The following HRAS variants were observed in gnomAD, a reference collection of about 807,000 sequenced individuals.
The protein encoded by HRAS is GTPase HRas.
A neutral mutation model predicts 19.8 loss-of-function variants in HRAS; 11 were observed. The observed-to-expected ratio is 0.55, with a 90% CI of 0.35 to 0.92. The LOEUF is 0.92. Among genes scored for constraint, HRAS ranks in the 40% least tolerant of loss-of-function variants. HRAS has a pLI of 0.01. For missense variants in HRAS, 204 were observed against 255.9 expected (o/e 0.80, Z 1.38); for synonymous variants, 149 against 105.5 (o/e 1.41, Z -2.52).
At position 533,930 on chromosome 11, in the gene HRAS, C is replaced by T. The variant is rs775378080; in HGVS notation, c.126G>A (p.Lys42=). ...ACGTCTCCCCATCAATGACCACCTG[C>T]TTCCGGTAGGAATCCTGCAGGAGGA... ...YDPTIEDSYR[K]QVVIDGETCL... Residue 42 remains lysine, a synonymous_variant, in exon 3 of 6, where the codon AAG becomes AAA. Coordinates refer to ENST00000311189, the MANE Select transcript of HRAS (RefSeq NM_005343.4). The T allele has an allele frequency of 1.2e-6, 2 of 1,612,116 alleles. No individual in the cohort carries two copies. The highest frequency in any genetic ancestry group is 2.2e-5 in the East Asian group (1 of 44,890).
intron 1 of HRAS, 40 bp from the exon 2 acceptor site, chr11:534,415 C>G (rs61877782): frequency 1.1e-4 from 53 of 476,704 alleles, no homozygotes; most frequent in Non-Finnish European, 1.6e-4. Context: ...CCAGGCCCAG[C>G]CCCAGGCCCC....
intron 1 of HRAS, chr11:534,655 T>G (rs1286442141): frequency 4.9e-6 from 2 of 408,552 alleles, no homozygotes; most frequent in Admixed American, 7.8e-5. Flanking sequence ...GCACCCAAAT[T>G]AGAAGCTGCT....
Position 534,153 on chromosome 11 carries a change from C to T in HRAS, c.111+59G>A, listed in dbSNP as rs899207728. The T allele has an allele frequency of 3.8e-5, 53 of 1,392,946 alleles. 1 individual carries two copies. Among genetic ancestry groups the T allele is most frequent in the Middle Eastern group, 3.5e-4 (2 of 5,670 alleles). The allele number at this position is 1,392,946 out of a possible 1,614,324, so 86.3% of individuals were successfully genotyped here. On this transcript the variant is annotated intron_variant, in intron 2 of 5. Transcript: ENST00000311189. ...GGGGCTGCAGCCAGCCCTATCCTGG[C>T]TGTGTCCTGGGCTCGCCCGCAGCAG... is the stretch of plus-strand genomic sequence containing the variant.
At position 534,364 on chromosome 11, in the gene HRAS, C is replaced by A. The variant is rs1384877498; in HGVS notation, c.-42G>T. On this transcript the variant is annotated 5_prime_UTR_variant, in exon 2 of 6. Transcript: ENST00000311189. ...GCGGCCCGGGGTCCTCCTACAGGGT[C>A]TCCTGCCCCACCTGCCAAGGAGGGC... 14 of 1,509,752 alleles carry A rather than the reference C, an allele frequency of 9.3e-6. No individual in the cohort carries two copies. The highest frequency in any genetic ancestry group is 1.3e-5 in the Non-Finnish European group (14 of 1,097,036). The allele number at this position is 1,509,752 out of a possible 1,614,324, so 93.5% of individuals were successfully genotyped here.
In HRAS at chr11:535,522, G is replaced by A. The variant is rs1851441754; in HGVS notation, c.-160C>T. On this transcript the variant is annotated 5_prime_UTR_variant, in exon 1 of 6. Coordinates refer to ENST00000311189, the MANE Select transcript of HRAS (RefSeq NM_005343.4). ...CCGCGCATGGGCTCCGTCCGCGGCG[G>A]GTGCGGCTCGGGTTGCGGGCGCAGG... 6.8e-6 allele frequency: 1 copy of A among 148,014 alleles called. No individual in the cohort carries two copies. The highest frequency in any genetic ancestry group is 1.5e-5 in the Non-Finnish European group (1 of 66,112). 9.2% of individuals were successfully genotyped at this position (148,014 alleles called of 1,614,324 possible). A position where few individuals can be genotyped will look rare whatever the true frequency, so the allele number is the denominator to read the frequency against.
At chr11:534,642 C>T (rs1430438488) in intron 1 of HRAS, 2 of 464,294 alleles carry the variant, frequency 4.3e-6, no homozygotes, top group Non-Finnish European at 7.8e-6. Context: ...CGCTCTCAAC[C>T]ACGCACCCAA....
At chr11:535,074 C>A (rs1376297911) in intron 1 of HRAS, among the ~76,000 whole-genome samples, 1 of 152,036 alleles carries the variant, frequency 6.6e-6, no homozygotes, top group African/African-American at 2.4e-5. Flanking sequence ...GGTGCCCGGG[C>A]GTGCCGTGGC....
intron 2 of HRAS, 54 bp from the exon 3 acceptor site, chr11:533,998 C>A (rs1172872020): frequency 6.4e-7 from 1 of 1,574,666 alleles, no homozygotes; most frequent in Non-Finnish European, 8.7e-7. Flanking sequence ...GGGGGGAGTT[C>A]ACACAGCCAG....
intron 1 of HRAS, 112 bp from the exon 2 acceptor site, chr11:534,487 C>T (rs563204282): frequency 2.4e-5 from 15 of 625,876 alleles, no homozygotes; most frequent in African/African-American, 3.7e-5. Context: ...TGGGCCCCAA[C>T]GCCAGGCAGC....
intron 1 of HRAS, 23 bp downstream of exon 1, chr11:535,393 G>A (rs1406567350): frequency 1.4e-5 from 2 of 146,898 alleles, no homozygotes; most frequent in African/African-American, 2.5e-5. Context: ...CGCGCGGCCC[G>A]GCCGATCCCT....
chr11:534,916 A>G (rs11246176), intron 1 of HRAS, among the ~76,000 whole-genome samples: 14,485 of 152,302 alleles, frequency 0.095, 845 homozygotes, highest in South Asian at 0.19. Context: ...TTTCAGCCAC[A>G]GAAAGCTGGA....
chr11:533,742 C>T (rs2133989475), intron 3 of HRAS, 24 bp downstream of exon 3: 1 of 1,612,996 alleles, frequency 6.2e-7, no homozygotes, highest in East Asian at 2.2e-5. Context: ...GCGTGGGCTC[C>T]CGGGCCAGCC....
In HRAS at chr11:533,515, C is replaced by G. The variant is rs1564788957; in HGVS notation, c.388G>C (p.Ala130Pro). 1 of 1,613,742 alleles carries G rather than the reference C, an allele frequency of 6.2e-7. No individual in the cohort carries two copies. The highest frequency in any genetic ancestry group is 1.3e-5 in the African/African-American group (1 of 75,046). The change falls in exon 4 of 6, where the codon GCT becomes CCT. Residue 130 changes from alanine to proline, a missense_variant. Transcript: ENST00000311189. ...CCGTAGCTTCGGGCGAGGTCCTGAG[C>G]CTGCCGAGATTCCACAGTGCGTGCA... ...LAARTVESRQ[A>P]QDLARSYGIP...
chr11:535,461 C>CCGGGG lies in HRAS; in HGVS notation c.-104_-100dup, dbSNP rs1212546694. On this transcript the variant is annotated 5_prime_UTR_variant, in exon 1 of 6. The change creates a premature stop within an existing upstream ORF in the 5' untranslated region. Transcript: ENST00000311189. The stretch of plus-strand genomic sequence containing the variant: ...CCCGGGGCCAGGGCCGGGGCCGAGG[C>CCGGGG]CGGGGCGGGGCGGGGGCGGGGGCGC... The CCGGGG allele has an allele frequency of 3.4e-5, 5 of 147,306 alleles. No individual in the cohort carries two copies. The highest frequency in any genetic ancestry group is 1.8e-4 in the South Asian group (1 of 5,528). 9.1% of individuals were successfully genotyped at this position (147,306 alleles called of 1,614,324 possible).
At chr11:534,876 C>T (rs1851363188) in intron 1 of HRAS, among the ~76,000 whole-genome samples, 1 of 152,212 alleles carries the variant, frequency 6.6e-6, no homozygotes. Flanking sequence ...GGGCAGCGCC[C>T]CGCACCCCCG....
chr11:533,545 G>A lies in HRAS; in HGVS notation c.358C>T (p.Leu120=), dbSNP rs397517139. The A allele has an allele frequency of 3.6e-5, 58 of 1,613,880 alleles. No individual in the cohort carries two copies. The highest frequency in any genetic ancestry group is 4.7e-5 in the Non-Finnish European group (55 of 1,179,998). The change falls in exon 4 of 6, where the codon CTG becomes TTG. Residue 120 remains leucine, a synonymous_variant. Coordinates refer to ENST00000311189, the MANE Select transcript of HRAS (RefSeq NM_005343.4). ...PMVLVGNKCD[L]AARTVESRQA... ...CGAGATTCCACAGTGCGTGCAGCCA[G>A]GTCACACTTGTTCCCCACCAGCACC...
intron 4 of HRAS, 109 bp from the exon 5 acceptor site, chr11:532,864 C>A: frequency 9.1e-7 from 1 of 1,098,592 alleles, no homozygotes. Context: ...CTCCCGACTC[C>A]ACCAGCCACT....
chr11:533,255 C>T (rs1166841587), intron 4 of HRAS, 198 bp downstream of exon 4: 2 of 1,557,560 alleles, frequency 1.3e-6, no homozygotes, highest in South Asian at 1.2e-5. Context: ...CCCTCACTGC[C>T]CTGCCGTCCC....
At chr11:534,561 C>G in intron 1 of HRAS, 186 bp from the exon 2 acceptor site, 1 of 589,090 alleles carries the variant, frequency 1.7e-6, no homozygotes, top group Admixed American at 3.0e-5. Context: ...GTCGCCTCGC[C>G]CCCACTTGCT....
Sources: allele counts gnomAD v4.1 joint callset (sites outside exome capture counted in the v4.1 genomes callset), GRCh38; gene constraint gnomAD v4.1.1; transcripts MANE v1.5; gene names NCBI Gene and HGNC (gene_info 2026-07-23, HGNC 2026-07-21).